The following RORA variants were observed in gnomAD, a reference collection of about 807,000 sequenced individuals.
The protein encoded by RORA is RAR related orphan receptor A, also known as nuclear receptor ROR-alpha.
In RORA, 7 loss-of-function variants were observed where a neutral mutation model predicts 69.5. The observed-to-expected ratio is 0.10, with a 90% CI of 0.06 to 0.19. The LOEUF is 0.19. Ranked by LOEUF, RORA falls within the 10% of genes least tolerant of loss-of-function variation. The pLI, the probability that RORA is intolerant of heterozygous loss-of-function variation, is 1.00. For missense variants in RORA, 457 were observed against 663.0 expected (o/e 0.69, Z 3.41); for synonymous variants, 261 against 240.8 (o/e 1.08, Z -0.78).
At chr15:60,762,126 GA>G (rs983763911) in intron 1 of RORA, among the ~76,000 whole-genome samples, 1 of 152,128 alleles carries the variant, frequency 6.6e-6, no homozygotes, top group African/African-American at 2.4e-5. Context: ...GAAGCATCTA[GA>G]ATAAAATGCA....
chr15:60,853,365 C>T (rs1230551920), intron 1 of RORA, among the ~76,000 whole-genome samples: 1 of 152,186 alleles, frequency 6.6e-6, no homozygotes, highest in Non-Finnish European at 1.5e-5. Context: ...AAGCTCTCAG[C>T]AGAAGACGAT....
intron 1 of RORA, among the ~76,000 whole-genome samples, chr15:60,723,979 T>C (rs1243062970): frequency 6.6e-6 from 1 of 152,200 alleles, no homozygotes; most frequent in East Asian, 1.9e-4. Context: ...GTGCTTGAGG[T>C]AAAGATGTTA....
intron 1 of RORA, among the ~76,000 whole-genome samples, chr15:61,153,082 CAGAAAAAAAGTCACG>C (rs2079411629): frequency 6.6e-6 from 1 of 151,994 alleles, no homozygotes; most frequent in Non-Finnish European, 1.5e-5. Flanking sequence ...ATAATCCTAT[CAGAAAAAAAGTCACG>C]AGAGTACACA....
intron 1 of RORA, among the ~76,000 whole-genome samples, chr15:60,725,079 T>G (rs1265016451): frequency 6.6e-6 from 1 of 152,262 alleles, no homozygotes; most frequent in East Asian, 1.9e-4. Context: ...GAAAAAGGTC[T>G]TTCTGATTAG....
At chr15:60,608,210 C>T (rs188695282) in intron 2 of RORA, among the ~76,000 whole-genome samples, 5 of 152,306 alleles carry the variant, frequency 3.3e-5, no homozygotes, top group Non-Finnish European at 5.9e-5. Context: ...GACATGGACG[C>T]GGAGCTCAGA....
intron 2 of RORA, among the ~76,000 whole-genome samples, chr15:60,659,775 A>C (rs2140714924): frequency 6.6e-6 from 1 of 152,316 alleles, no homozygotes; most frequent in African/African-American, 2.4e-5. Context: ...TGAGTTCATA[A>C]AAAAATTGAA....
chr15:60,979,700 C>T lies in RORA; in HGVS notation c.166+249353G>A, dbSNP rs1893981812. ...TCTTATATCCTACAACTTTGTTGAA[C>T]TCATTAACTCTAATAATGTGTGTGT... On this transcript the variant is annotated intron_variant, in intron 1 of 10. Transcript: ENST00000335670. 2.7e-5 allele frequency among the ~76,000 whole-genome samples: 4 copies of T among 150,436 alleles called. No homozygotes were observed. The South Asian group carries it at 8.6e-4, about 32-fold the overall frequency.
At chr15:60,732,072 T>C (rs756215329) in intron 1 of RORA, among the ~76,000 whole-genome samples, 5 of 152,212 alleles carry the variant, frequency 3.3e-5, no homozygotes, top group Admixed American at 2.0e-4. Context: ...TGGAATAGGA[T>C]GCATCTCTAG....
intron 1 of RORA, among the ~76,000 whole-genome samples, chr15:61,116,142 G>A (rs1371439820): frequency 6.6e-6 from 1 of 152,176 alleles, no homozygotes; most frequent in Non-Finnish European, 1.5e-5. Context: ...TGAGGGGCAA[G>A]ATGAATTGGG....
chr15:60,984,537 T>C (rs1894139781), intron 1 of RORA, among the ~76,000 whole-genome samples: 2 of 152,030 alleles, frequency 1.3e-5, no homozygotes, highest in African/African-American at 2.4e-5. Context: ...CTATCTAATG[T>C]CTACAAACAA....
chr15:61,157,360 A>C (rs28703993), intron 1 of RORA, among the ~76,000 whole-genome samples: 6,312 of 152,298 alleles, frequency 0.041, 451 homozygotes, highest in African/African-American at 0.14. Flanking sequence ...GAGGTAGGTT[A>C]ACTCTTCTGA....
At chr15:60,773,117 C>T (rs2072102839) in intron 1 of RORA, among the ~76,000 whole-genome samples, 1 of 152,176 alleles carries the variant, frequency 6.6e-6, no homozygotes, top group African/African-American at 2.4e-5. Context: ...CCTCCCTTGA[C>T]AGCTCATTTG....
intron 1 of RORA, among the ~76,000 whole-genome samples, chr15:61,219,601 T>G (rs1297881018): frequency 2.0e-5 from 3 of 151,994 alleles, no homozygotes. Context: ...AAAATCCTCA[T>G]TATTCGAACT....
chr15:61,218,481 G>A (rs995291433), intron 1 of RORA, among the ~76,000 whole-genome samples: 1 of 152,044 alleles, frequency 6.6e-6, no homozygotes, highest in African/African-American at 2.4e-5. Flanking sequence ...ACAACACACA[G>A]TCTTTTGTGG....
chr15:60,929,090 G>A (rs1447454811), intron 1 of RORA, among the ~76,000 whole-genome samples: 3 of 152,104 alleles, frequency 2.0e-5, no homozygotes, highest in African/African-American at 7.2e-5. Context: ...ATTGTATGGT[G>A]CCCCTGCTGG....
intron 1 of RORA, among the ~76,000 whole-genome samples, chr15:60,870,773 C>T (rs1033079411): frequency 2.0e-5 from 3 of 152,262 alleles, no homozygotes; most frequent in African/African-American, 7.2e-5. Flanking sequence ...AATCCTTACA[C>T]TCACTAGTCA....
chr15:60,593,373 C>G (rs1174745527), intron 2 of RORA: 1 of 152,458 alleles, frequency 6.6e-6, no homozygotes, highest in Non-Finnish European at 1.5e-5. Flanking sequence ...GAGAACCCAT[C>G]TACAAGTAGG....
chr15:60,523,745 C>T (rs1325269863), intron 3 of RORA, among the ~76,000 whole-genome samples: 1 of 152,212 alleles, frequency 6.6e-6, no homozygotes, highest in East Asian at 1.9e-4. Flanking sequence ...GACCACGGCT[C>T]ACTGCAGCCT....
chr15:60,592,397 T>G (rs2068554032), intron 2 of RORA: 1 of 1,435,724 alleles, frequency 7.0e-7, no homozygotes, highest in African/African-American at 1.5e-5. Flanking sequence ...CTTTCATCGC[T>G]GCGATCACAA....
Sources: gnomAD v4.1 joint callset for allele counts (sites outside exome capture counted in the v4.1 genomes callset) on GRCh38, gnomAD v4.1.1 for gene constraint, MANE v1.5 for transcripts, NCBI Gene and HGNC (gene_info 2026-07-23, HGNC 2026-07-21) for gene names.